SSBP3: variants seen among roughly 807,000 people sequenced by gnomAD.
SSBP3 encodes the protein single-stranded DNA-binding protein 3.
Under a neutral mutation model 69.6 loss-of-function variants are expected in SSBP3, and 5 were observed. The ratio of observed to expected loss-of-function variants is 0.07; its 90% CI spans 0.04 to 0.15. SSBP3 has a LOEUF of 0.15. SSBP3 is among the 10% of genes least tolerant of loss of function. The pLI, the probability that SSBP3 is intolerant of heterozygous loss-of-function variation, is 1.00. For missense variants in SSBP3, 312 were observed against 534.0 expected, an observed-to-expected ratio of 0.58 and a Z score of 4.10; for synonymous variants, 196 against 193.4, an observed-to-expected ratio of 1.01 and a Z score of -0.11.
At chr1:54,310,126 G>A (rs1287873039) in intron 4 of SSBP3, among the ~76,000 whole-genome samples, 3 of 152,252 alleles carry the variant, frequency 2.0e-5, no homozygotes, top group South Asian at 2.1e-4. Context: ...AGCATGTCCC[G>A]AGCAGGTGAA....
intron 4 of SSBP3, among the ~76,000 whole-genome samples, chr1:54,307,146 G>T (rs778984237): frequency 6.6e-6 from 1 of 152,030 alleles, no homozygotes; most frequent in African/African-American, 2.4e-5. Context: ...TCTGCCTTCC[G>T]GCCCTAGAGC....
chr1:54,352,328 T>C (rs983675968), intron 4 of SSBP3, among the ~76,000 whole-genome samples: 7 of 152,180 alleles, frequency 4.6e-5, no homozygotes, highest in Non-Finnish European at 1.0e-4. Flanking sequence ...AGCAGGGAAT[T>C]ACCTTGTTAT....
At chr1:54,383,393 AAAG>A (rs1272630905) in intron 4 of SSBP3, among the ~76,000 whole-genome samples, 2 of 152,144 alleles carry the variant, frequency 1.3e-5, no homozygotes, top group Non-Finnish European at 1.5e-5. Flanking sequence ...GGAAAAAAAA[AAAG>A]AAAGAAAAAA....
At chr1:54,293,188 T>A (rs1645639336) in intron 4 of SSBP3, among the ~76,000 whole-genome samples, 2 of 151,980 alleles carry the variant, frequency 1.3e-5, no homozygotes, top group African/African-American at 4.8e-5. Context: ...ATCTACCAGG[T>A]GCACACAGCA....
exon 1 of SSBP3, chr1:54,406,036 T>TCGCCGC (rs759612820): frequency 0.39 from 516,427 of 1,326,284 alleles, 102,778 homozygotes; most frequent in South Asian, 0.45. Context: ...GCGCCGAGCC[T>TCGCCGC]CGCCGCCGCC....
intron 11 of SSBP3, 57 bp downstream of exon 11, chr1:54,242,107 C>G: frequency 6.3e-7 from 1 of 1,598,092 alleles, no homozygotes. Context: ...CAGTAGCTCC[C>G]CTGCACCCAG....
At chr1:54,255,308 T>A (rs369373780) in intron 7 of SSBP3, among the ~76,000 whole-genome samples, 3 of 152,182 alleles carry the variant, frequency 2.0e-5, no homozygotes, top group Admixed American at 1.3e-4. Flanking sequence ...ATCCTTTAAT[T>A]GCCAGAAGAA....
At chr1:54,343,509 A>G (rs564038301) in intron 4 of SSBP3, among the ~76,000 whole-genome samples, 30 of 152,364 alleles carry the variant, frequency 2.0e-4, no homozygotes, top group African/African-American at 7.0e-4. Context: ...AGGCCATGCC[A>G]GCTGTCCAGG....
rs1048485282 is a variant in SSBP3 at position 54,330,929 on chromosome 1, G to A, written c.277-49402C>T. On this transcript the variant is annotated intron_variant, in intron 4 of 17. Coordinates refer to ENST00000610401, the Ensembl canonical transcript of SSBP3. Reference sequence around the variant, plus strand: ...GCAGGGATCCCCCAATGCATGATTCGGCAGAGCCTGGAAGTAATGAAGAAA... The same window carrying A: ...GCAGGGATCCCCCAATGCATGATTCAGCAGAGCCTGGAAGTAATGAAGAAA... Among the ~76,000 whole-genome samples the A allele has an allele frequency of 1.2e-4, 18 of 152,136 alleles. No individual in the cohort carries two copies. In the South Asian group the frequency reaches 1.2e-3, roughly 11 times the overall value.
chr1:54,241,018 G>A, intron 12 of SSBP3, 59 bp from the exon 13 acceptor site: 1 of 1,537,528 alleles, frequency 6.5e-7, no homozygotes, highest in Non-Finnish European at 8.8e-7. Context: ...ATGGGGAGGG[G>A]CCGGCATCCT....
At chr1:54,350,430 C>G (rs1646763354) in intron 4 of SSBP3, among the ~76,000 whole-genome samples, 1 of 152,168 alleles carries the variant, frequency 6.6e-6, no homozygotes, top group Non-Finnish European at 1.5e-5. Context: ...ACAAGGCAGC[C>G]CTGCAAAGCA....
At chr1:54,328,778 C>A (rs910507785) in intron 4 of SSBP3, among the ~76,000 whole-genome samples, 6 of 152,298 alleles carry the variant, frequency 3.9e-5, no homozygotes, top group African/African-American at 1.4e-4. Context: ...AACCCAATAC[C>A]TACCGGGACC....
intron 4 of SSBP3, among the ~76,000 whole-genome samples, chr1:54,370,269 C>A (rs1053062003): frequency 6.6e-6 from 1 of 152,190 alleles, no homozygotes; most frequent in African/African-American, 2.4e-5. Context: ...GAAATCCAAA[C>A]GACCAGGAAA....
intron 4 of SSBP3, among the ~76,000 whole-genome samples, chr1:54,354,465 G>A (rs1038456133): frequency 6.6e-6 from 1 of 152,254 alleles, no homozygotes; most frequent in Non-Finnish European, 1.5e-5. Flanking sequence ...GTGGGGAGGT[G>A]GCCCTGCTGG....
intron 5 of SSBP3, among the ~76,000 whole-genome samples, chr1:54,262,048 T>A (rs1645025235): frequency 6.6e-6 from 1 of 152,136 alleles, no homozygotes; most frequent in African/African-American, 2.4e-5. Flanking sequence ...AACATCACAT[T>A]CCCATTTGCA....
At chr1:54,339,635 G>A (rs1023108254) in intron 4 of SSBP3, among the ~76,000 whole-genome samples, 8 of 152,084 alleles carry the variant, frequency 5.3e-5, no homozygotes, top group East Asian at 3.9e-4. Flanking sequence ...AAGATCAGCC[G>A]GGCATGGTGG....
Position 54,404,728 on chromosome 1 carries a change from A to G in SSBP3, c.130-91T>C, listed in dbSNP as rs935261108. 8 of 1,463,440 alleles carry G rather than the reference A, an allele frequency of 5.5e-6. No individual in the cohort carries two copies. In the African/African-American group the frequency reaches 9.8e-5, roughly 18 times the overall value. 90.7% of individuals were successfully genotyped at this position (1,463,440 alleles called of 1,614,324 possible). ...GCCAAAAGGCTAGGAAGACCAACTA[A>G]CAATAAATGCCAAAAGGTGATAAAA... On this transcript the variant is annotated intron_variant, in intron 2 of 17. Transcript: ENST00000610401.
chr1:54,273,250 T>C (rs991283679), intron 5 of SSBP3, among the ~76,000 whole-genome samples: 1 of 152,226 alleles, frequency 6.6e-6, no homozygotes, highest in Non-Finnish European at 1.5e-5. Flanking sequence ...GCGCTACATG[T>C]GGAGTTCACG....
chr1:54,247,959 T>C (rs1644762050), intron 9 of SSBP3, among the ~76,000 whole-genome samples: 1 of 152,264 alleles, frequency 6.6e-6, no homozygotes, highest in Non-Finnish European at 1.5e-5. Context: ...GAGTAAAATC[T>C]GTCTGAAGCA....
Sources: gnomAD v4.1 joint callset for allele counts (sites outside exome capture counted in the v4.1 genomes callset) on GRCh38, gnomAD v4.1.1 for gene constraint, MANE v1.5 for transcripts, NCBI Gene and HGNC (gene_info 2026-07-23, HGNC 2026-07-21) for gene names.